The following OR10J1 variants were observed in gnomAD, a reference collection of about 807,000 sequenced individuals.
OR10J1 encodes olfactory receptor 10J1.
For missense variants in OR10J1, 474 were observed against 376.6 expected, an observed-to-expected ratio of 1.26 and a Z score of -2.14; for synonymous variants, 202 against 143.8, an observed-to-expected ratio of 1.40 and a Z score of -2.89.
upstream of OR10J1, among the ~76,000 whole-genome samples, chr1:159,436,498 C>A (rs887859972): frequency 1.3e-5 from 2 of 152,124 alleles, no homozygotes. Context: ...TCTGTTACAT[C>A]AGCAGCCTAG....
chr1:159,439,616 A>C, upstream of OR10J1: 1 of 740,354 alleles, frequency 1.4e-6, no homozygotes, highest in Non-Finnish European at 2.2e-6. Context: ...CAGAGTAAAA[A>C]TATTTTAAGT....
At chr1:159,423,571 C>T in the OR10J1 span, among the ~76,000 whole-genome samples, 2 of 152,196 alleles carry the variant, frequency 1.3e-5, no homozygotes, top group African/African-American at 4.8e-5. Context: ...AAGTAAAATA[C>T]TGCAGATTTA....
chr1:159,414,232 T>A, the OR10J1 span, among the ~76,000 whole-genome samples: 1 of 152,084 alleles, frequency 6.6e-6, no homozygotes, highest in African/African-American at 2.4e-5. Context: ...CAACTTCTCT[T>A]CATCACCACC....
At chr1:159,436,989 G>A (rs1460854773), upstream of OR10J1, among the ~76,000 whole-genome samples, 1 of 152,260 alleles carries the variant, frequency 6.6e-6, no homozygotes, top group East Asian at 1.9e-4. Flanking sequence ...CCAGCAACTA[G>A]CACAGGGCCT....
the OR10J1 span, among the ~76,000 whole-genome samples, chr1:159,409,044 C>T: frequency 3.3e-5 from 5 of 151,988 alleles, no homozygotes; most frequent in Non-Finnish European, 5.9e-5. Context: ...TTGATATGTC[C>T]GTCATGTACT....
At chr1:159,413,337 G>A in the OR10J1 span, among the ~76,000 whole-genome samples, 3 of 151,808 alleles carry the variant, frequency 2.0e-5, no homozygotes, top group African/African-American at 7.3e-5. Context: ...TCCCATTACT[G>A]GGTATATACC....
the OR10J1 span, among the ~76,000 whole-genome samples, chr1:159,412,439 C>A: frequency 1.0e-4 from 15 of 150,316 alleles, no homozygotes; most frequent in Non-Finnish European, 2.2e-4. Flanking sequence ...TCAAACTATA[C>A]TACAAGGCTA....
the OR10J1 span, among the ~76,000 whole-genome samples, chr1:159,407,996 A>G: frequency 2.0e-5 from 3 of 152,064 alleles, no homozygotes; most frequent in South Asian, 6.2e-4. Flanking sequence ...GGAAACATGA[A>G]GAAGGGTTCC....
chr1:159,426,592 A>T, the OR10J1 span, among the ~76,000 whole-genome samples: 1 of 149,624 alleles, frequency 6.7e-6, no homozygotes, highest in Non-Finnish European at 1.5e-5. Flanking sequence ...TGGAGACAAC[A>T]TTTTTTTTTT....
chr1:159,411,511 G>A, the OR10J1 span, among the ~76,000 whole-genome samples: 35 of 152,026 alleles, frequency 2.3e-4, no homozygotes, highest in Non-Finnish European at 4.3e-4. Flanking sequence ...TCAGAGACTA[G>A]GATTGCAACC....
chr1:159,410,662 T>C, the OR10J1 span, among the ~76,000 whole-genome samples: 1 of 151,626 alleles, frequency 6.6e-6, no homozygotes, highest in South Asian at 2.1e-4. Context: ...CCTGGATTCA[T>C]TAATTTTTTG....
upstream of OR10J1, chr1:159,437,892 C>G (rs1020360292): frequency 6.5e-6 from 1 of 152,918 alleles, no homozygotes; most frequent in Non-Finnish European, 1.5e-5. Context: ...TGCTCAGCCT[C>G]AGGTCCTGCC....
chr1:159,413,139 A>T, the OR10J1 span, among the ~76,000 whole-genome samples: 5 of 152,220 alleles, frequency 3.3e-5, no homozygotes. Flanking sequence ...CCACAATGAG[A>T]TACCACCTCA....
chr1:159,409,910 G>A, the OR10J1 span, among the ~76,000 whole-genome samples: 1 of 151,976 alleles, frequency 6.6e-6, no homozygotes, highest in Admixed American at 6.6e-5. Flanking sequence ...AGCATGAAGG[G>A]TTGTTGAATT....
the OR10J1 span, among the ~76,000 whole-genome samples, chr1:159,431,498 C>T: frequency 5.3e-5 from 8 of 152,172 alleles, no homozygotes; most frequent in Non-Finnish European, 8.8e-5. Flanking sequence ...TGGCCTTTGA[C>T]GAGCAATGTG....
chr1:159,420,813 T>C, the OR10J1 span, among the ~76,000 whole-genome samples: 1 of 152,174 alleles, frequency 6.6e-6, no homozygotes, highest in South Asian at 2.1e-4. Context: ...TGCTTTTCTC[T>C]TGCTGTTCTT....
the OR10J1 span, among the ~76,000 whole-genome samples, chr1:159,401,466 T>C: frequency 6.6e-6 from 1 of 151,988 alleles, no homozygotes; most frequent in Admixed American, 6.6e-5. Context: ...GTGGCTACTA[T>C]GAGCAAGTAT....
the OR10J1 span, among the ~76,000 whole-genome samples, chr1:159,415,484 A>G: frequency 3.3e-5 from 5 of 152,168 alleles, no homozygotes; most frequent in South Asian, 4.1e-4. Flanking sequence ...CCTGTAACAC[A>G]TTTTGAAGTC....
At chr1:159,430,671 G>A in the OR10J1 span, among the ~76,000 whole-genome samples, 50 of 149,792 alleles carry the variant, frequency 3.3e-4, no homozygotes, top group African/African-American at 9.1e-4. Flanking sequence ...GTGTGTGTGC[G>A]CGCGCGCACA....
Sources: allele counts gnomAD v4.1 joint callset (sites outside exome capture counted in the v4.1 genomes callset), GRCh38; gene constraint gnomAD v4.1.1; transcripts MANE v1.5; gene names NCBI Gene and HGNC (gene_info 2026-07-23, HGNC 2026-07-21).